TBCEL: variants seen among roughly 807,000 people sequenced by gnomAD.
TBCEL encodes tubulin-specific chaperone cofactor E-like protein.
TBCEL carries 15 observed loss-of-function variants against 44.2 expected under a neutral mutation model. The observed-to-expected ratio is 0.34, with a 90% CI of 0.23 to 0.52. The LOEUF (loss-of-function observed/expected upper bound fraction) is 0.52, where lower values mean the gene tolerates loss of function less well. Among genes scored for constraint, TBCEL ranks in the 20% least tolerant of loss-of-function variants. TBCEL has a pLI of 0.95. For synonymous variants in TBCEL, 171 were observed against 185.4 expected (o/e 0.92, Z 0.63); for missense variants, 319 against 506.3 (o/e 0.63, Z 3.55).
intron 1 of TBCEL, among the ~76,000 whole-genome samples, chr11:121,034,663 A>G (rs1027355941): frequency 2.6e-5 from 4 of 152,322 alleles, no homozygotes; most frequent in Admixed American, 2.6e-4. Context: ...GGATATGGTT[A>G]TTACTCTCAA....
chr11:121,040,534 G>T (rs1945312557), intron 2 of TBCEL, among the ~76,000 whole-genome samples: 1 of 151,818 alleles, frequency 6.6e-6, no homozygotes, highest in African/African-American at 2.4e-5. Flanking sequence ...GCTTGGATAT[G>T]CTTTGTTTCT....
intron 7 of TBCEL, among the ~76,000 whole-genome samples, chr11:121,059,440 A>C (rs1945680527): frequency 6.6e-6 from 1 of 151,890 alleles, no homozygotes; most frequent in Admixed American, 6.6e-5. Flanking sequence ...TGTGGCTATG[A>C]GTACTTGAAA....
chr11:121,060,976 G>A (rs1055876201), intron 8 of TBCEL, among the ~76,000 whole-genome samples: 1 of 151,848 alleles, frequency 6.6e-6, no homozygotes, highest in Non-Finnish European at 1.5e-5. Flanking sequence ...GTTCTCTATT[G>A]TTTGTAGATT....
intron 8 of TBCEL, among the ~76,000 whole-genome samples, chr11:121,073,642 A>C (rs931289540): frequency 3.6e-4 from 54 of 151,930 alleles, no homozygotes; most frequent in Non-Finnish European, 7.4e-4. Context: ...AAAAGAGGTC[A>C]TCTTTATCTT....
At chr11:121,069,789 GA>G (rs367892534) in intron 8 of TBCEL, among the ~76,000 whole-genome samples, 1,602 of 145,788 alleles carry the variant, frequency 0.011, 10 homozygotes, top group African/African-American at 0.02. Context: ...TAGACTGTCT[GA>G]AAAAAAAAAA....
At chr11:121,043,780 T>A (rs1945377403) in intron 2 of TBCEL, among the ~76,000 whole-genome samples, 2 of 152,124 alleles carry the variant, frequency 1.3e-5, no homozygotes, top group South Asian at 4.1e-4. Context: ...ATGACTCTGT[T>A]TCCTCTGCCT....
At chr11:121,082,384 G>T (rs1287942785) in intron 8 of TBCEL, among the ~76,000 whole-genome samples, 1 of 152,210 alleles carries the variant, frequency 6.6e-6, no homozygotes, top group Non-Finnish European at 1.5e-5. Context: ...CAGCAATGGT[G>T]TGTCAGGTTC....
At chr11:121,032,398 C>A (rs184052875) in intron 1 of TBCEL, among the ~76,000 whole-genome samples, 1 of 152,042 alleles carries the variant, frequency 6.6e-6, no homozygotes, top group South Asian at 2.1e-4. Context: ...ATTGTTACTC[C>A]TAGGGGAAAT....
chr11:121,036,355 T>C (rs1464981414), intron 1 of TBCEL, 150 bp from the exon 2 acceptor site: 1 of 152,266 alleles, frequency 6.6e-6, no homozygotes, highest in East Asian at 1.9e-4. Flanking sequence ...GAGTTGGGGA[T>C]GTGTGTGGTG....
At chr11:121,062,367 C>G (rs1945740099) in intron 8 of TBCEL, among the ~76,000 whole-genome samples, 1 of 152,098 alleles carries the variant, frequency 6.6e-6, no homozygotes, top group South Asian at 2.1e-4. Flanking sequence ...AAGCCAGTAA[C>G]ATGGTCATTG....
intron 2 of TBCEL, among the ~76,000 whole-genome samples, chr11:121,043,696 C>T (rs571539198): frequency 2.0e-4 from 31 of 152,228 alleles, no homozygotes; most frequent in African/African-American, 7.2e-4. Context: ...CATCTTCCTT[C>T]TCCACTCCCA....
intron 8 of TBCEL, among the ~76,000 whole-genome samples, chr11:121,085,552 C>T (rs1946200815): frequency 2.0e-5 from 3 of 152,214 alleles, no homozygotes; most frequent in South Asian, 2.1e-4. Context: ...TGCCAAGTCA[C>T]ACAGCTAATT....
rs141197273 is a variant in TBCEL, at chr11:121,036,953, A to G, written c.-18+341A>G. 1.5e-4 allele frequency among the ~76,000 whole-genome samples: 23 copies of G among 152,348 alleles called. 1 individual carries two copies. In the East Asian group the frequency reaches 4.4e-3, roughly 29 times the overall value. ...ATGAAATAAAGAATTTTTGATAGGTATTTTAATGTTTGTAGTGCTTTTAAG... is the reference window on the plus strand; with the variant it reads ...ATGAAATAAAGAATTTTTGATAGGTGTTTTAATGTTTGTAGTGCTTTTAAG... On this transcript the variant is annotated intron_variant, in intron 2 of 8. Transcript: ENST00000683345.
intron 2 of TBCEL, among the ~76,000 whole-genome samples, chr11:121,038,912 ACTGGAAGTGCTT>A (rs1386173521): frequency 6.6e-6 from 1 of 152,070 alleles, no homozygotes; most frequent in Non-Finnish European, 1.5e-5. Flanking sequence ...CCTTAACTGT[ACTGGAAGTGCTT>A]CTCCTAAGGT....
At chr11:121,025,457 C>T (rs1478544633) in intron 1 of TBCEL, among the ~76,000 whole-genome samples, 5 of 151,816 alleles carry the variant, frequency 3.3e-5, no homozygotes, top group African/African-American at 4.8e-5. Flanking sequence ...ACATTCAGAT[C>T]TAGTACATAC....
chr11:121,038,290 A>G (rs1195959960), intron 2 of TBCEL, among the ~76,000 whole-genome samples: 1 of 152,124 alleles, frequency 6.6e-6, no homozygotes, highest in Non-Finnish European at 1.5e-5. Flanking sequence ...AAAAGCAAAT[A>G]TTTAGAATAA....
intron 7 of TBCEL, among the ~76,000 whole-genome samples, chr11:121,059,702 G>GT (rs1424698474): frequency 1.3e-5 from 2 of 151,924 alleles, no homozygotes; most frequent in African/African-American, 4.8e-5. Context: ...TTATATTAAT[G>GT]TAAGTTGGAC....
intron 8 of TBCEL, among the ~76,000 whole-genome samples, chr11:121,066,129 C>A (rs1945816225): frequency 6.6e-6 from 1 of 152,172 alleles, no homozygotes; most frequent in Non-Finnish European, 1.5e-5. Flanking sequence ...AGGGTACAGC[C>A]AAGGTTTCTG....
chr11:121,040,426 GC>G (rs1219940999), intron 2 of TBCEL, among the ~76,000 whole-genome samples: 1 of 152,152 alleles, frequency 6.6e-6, no homozygotes, highest in Non-Finnish European at 1.5e-5. Context: ...CCCTGTGAAA[GC>G]CATGGTAAAG....
Sources: gnomAD v4.1 joint callset for allele counts (sites outside exome capture counted in the v4.1 genomes callset) on GRCh38, gnomAD v4.1.1 for gene constraint, MANE v1.5 for transcripts, NCBI Gene and HGNC (gene_info 2026-07-23, HGNC 2026-07-21) for gene names.